WDR91: variants seen among roughly 807,000 people sequenced by gnomAD.
WDR91 encodes WD repeat-containing protein 91.
A neutral mutation model predicts 88.4 loss-of-function variants in WDR91; 52 were observed. The observed-to-expected ratio is 0.59, with a 90% CI of 0.47 to 0.74. The LOEUF (loss-of-function observed/expected upper bound fraction) is 0.74, where lower values mean the gene tolerates loss of function less well. Ranked by LOEUF, WDR91 falls within the 30% of genes least tolerant of loss-of-function variation. The pLI is 0.00. For missense variants in WDR91, 824 were observed against 954.5 expected (o/e 0.86, Z 1.80); for synonymous variants, 362 against 389.5 (o/e 0.93, Z 0.83).
At chr7:135,194,540 G>T (rs546949559) in intron 9 of WDR91, among the ~76,000 whole-genome samples, 2 of 152,338 alleles carry the variant, frequency 1.3e-5, no homozygotes. Flanking sequence ...AGACCCATGG[G>T]AACCACAAAA....
chr7:135,195,121 T>G, intron 8 of WDR91, 37 bp from the exon 9 acceptor site: 1 of 1,596,800 alleles, frequency 6.3e-7, no homozygotes. Flanking sequence ...TCAGCTGGCC[T>G]CTCAGTCCCC....
At position 135,193,369 on chromosome 7, in the gene WDR91, C is replaced by T; in HGVS notation, c.1521G>A (p.Gly507=). ...CTGCTGCCGAACAGACGAAAGAGGC[C>T]CCGTTGGGGCTGCACGCAAGAGACA... The part of the protein sequence containing the change: ...RILSLACSPN[G]ASFVCSAAAP... The change falls in exon 11 of 15, where the codon GGG becomes GGA. Residue 507 remains glycine (G), a synonymous_variant. Coordinates refer to ENST00000354475, the MANE Select transcript of WDR91 (RefSeq NM_014149.4). 6.2e-7 allele frequency: 1 copy of T among 1,614,172 alleles called. No individual in the cohort carries two copies. Among genetic ancestry groups the T allele is most frequent in the Non-Finnish European group, 8.5e-7 (1 of 1,180,038 alleles).
chr7:135,189,525 A>G, intron 11 of WDR91, 73 bp from the exon 12 acceptor site: 1 of 1,269,390 alleles, frequency 7.9e-7, no homozygotes, highest in South Asian at 1.3e-5. Context: ...TCCAATGCAG[A>G]CAGGTGCCCC....
chr7:135,209,707 A>G lies in WDR91; in HGVS notation c.172T>C (p.Leu58=). The change falls in exon 2 of 15, where the codon TTG becomes CTG. Residue 58 remains leucine (L), a synonymous_variant. Coordinates refer to ENST00000354475, the MANE Select transcript of WDR91 (RefSeq NM_014149.4). ...QLQQLMQVYD[L]AALRDYWSYL... ...CTCCAATAATCCCGAAGGGCAGCCA[A>G]GTCATACACCTGCATTAACTGCTGC... 6.2e-7 allele frequency: 1 copy of G among 1,613,214 alleles called. No individual in the cohort carries two copies. The highest frequency in any genetic ancestry group is 8.5e-7 in the Non-Finnish European group (1 of 1,179,646).
At chr7:135,197,164 T>A (rs936405088) in intron 7 of WDR91, 44 of 152,076 alleles carry the variant, frequency 2.9e-4, no homozygotes, top group African/African-American at 1.0e-3. Context: ...TAAAAAAAAA[T>A]AACAGAGGAA....
At chr7:135,206,080 T>C in intron 4 of WDR91, 22 bp from the exon 5 acceptor site, 2 of 1,613,892 alleles carry the variant, frequency 1.2e-6, no homozygotes, top group East Asian at 2.2e-5. Context: ...TGGGACTGAG[T>C]TAGCCAATGA....
At chr7:135,192,274 C>T (rs1477493132) in intron 11 of WDR91, among the ~76,000 whole-genome samples, 15 of 152,112 alleles carry the variant, frequency 9.9e-5, no homozygotes, top group Non-Finnish European at 2.9e-5. Context: ...AGCACCACCA[C>T]ACCTGGCTAA....
chr7:135,211,306 C>T (rs988665179), intron 1 of WDR91, 74 bp downstream of exon 1: 1 of 1,525,406 alleles, frequency 6.6e-7, no homozygotes, highest in African/African-American at 1.4e-5. Flanking sequence ...GCCCCGGAGG[C>T]AGTGCTGGGG....
At chr7:135,210,789 G>A (rs530008688) in intron 1 of WDR91, 2 of 703,522 alleles carry the variant, frequency 2.8e-6, no homozygotes, top group Non-Finnish European at 5.2e-6. Context: ...ATTGAAGTCA[G>A]TACACACAAA....
intron 11 of WDR91, 47 bp downstream of exon 11, chr7:135,193,182 TAC>T: frequency 4.4e-6 from 7 of 1,594,274 alleles, no homozygotes; most frequent in Non-Finnish European, 6.0e-6. Context: ...CCCAGGGGAA[TAC>T]AGAGTGTGTG....
Position 135,208,836 on chromosome 7 carries a change from T to C in WDR91, c.466A>G (p.Ile156Val). ...YFSRQWADTFIVSLHNFLSVL... is the reference protein window; with the variant it reads ...YFSRQWADTFVVSLHNFLSVL... ...CTCAGGAAGTTGTGCAGGGACACAA[T>C]GAAGGTGTCAGCCCACTGTCGAGAA... Residue 156 changes from isoleucine (I) to valine (V), a missense_variant, in exon 3 of 15, where the codon ATT becomes GTT. Coordinates refer to ENST00000354475, the MANE Select transcript of WDR91 (RefSeq NM_014149.4). 2 of 1,613,962 alleles carry C rather than the reference T, an allele frequency of 1.2e-6. No homozygotes were observed. Among genetic ancestry groups the C allele is most frequent in the Non-Finnish European group, 1.7e-6 (2 of 1,179,910 alleles).
At chr7:135,188,327 A>G in intron 13 of WDR91, 106 bp downstream of exon 13, 1 of 856,952 alleles carries the variant, frequency 1.2e-6, no homozygotes, top group South Asian at 1.5e-5. Flanking sequence ...ACAAAGCTGC[A>G]AAAAGAGGCC....
At chr7:135,210,714 G>T (rs2117737600) in intron 1 of WDR91, 2 of 695,638 alleles carry the variant, frequency 2.9e-6, no homozygotes, top group Middle Eastern at 4.6e-4. Context: ...ACTAACTTTG[G>T]CCAGGCAGGA....
rs1831313492 is a variant in WDR91 at position 135,195,087 on chromosome 7, G to T, written c.1245-3C>A. On this transcript the variant is annotated splice_polypyrimidine_tract_variant and splice_region_variant and intron_variant, in intron 8 of 14. Coordinates refer to ENST00000354475, the MANE Select transcript of WDR91 (RefSeq NM_014149.4). ...CTCTCCTCCCAGAGCAGTCCACTCT[G>T]AGATGAGAGAAAAGGGAGGCCTGTC... 13 of 1,611,548 alleles carry T rather than the reference G, an allele frequency of 8.1e-6. No homozygotes were observed. The highest frequency in any genetic ancestry group is 1.1e-5 in the Non-Finnish European group (13 of 1,179,098).
intron 12 of WDR91, 135 bp downstream of exon 12, chr7:135,189,209 G>C: frequency 1.5e-6 from 1 of 664,056 alleles, no homozygotes; most frequent in Non-Finnish European, 2.6e-6. Context: ...CCAAAGTTAA[G>C]CTGTAGTACA....
At chr7:135,187,736 A>C (rs1244358553) in intron 13 of WDR91, among the ~76,000 whole-genome samples, 7 of 152,198 alleles carry the variant, frequency 4.6e-5, no homozygotes. Context: ...TACGGACAGG[A>C]TACTTGGCTG....
chr7:135,196,808 T>C lies in WDR91; in HGVS notation c.1051-471A>G, dbSNP rs796809846. On this transcript the variant is annotated intron_variant, in intron 7 of 14. Coordinates refer to ENST00000354475, the MANE Select transcript of WDR91 (RefSeq NM_014149.4). This position sits in a 1 kb window ranked among gnomAD's most constrained non-coding sequence, Gnocchi z 4.2. ...GCCAAATCCCTTGCCCAAAGTCATATGGCTGGCAAGGGGGAGAAATTGGAT... is the reference window on the plus strand; with the variant it reads ...GCCAAATCCCTTGCCCAAAGTCATACGGCTGGCAAGGGGGAGAAATTGGAT... Among the ~76,000 whole-genome samples, 4 of 152,322 alleles carry C rather than the reference T, an allele frequency of 2.6e-5. No homozygotes were observed. Among genetic ancestry groups the C allele is most frequent in the African/African-American group, 9.6e-5 (4 of 41,578 alleles).
At chr7:135,187,805 T>C (rs564131848) in intron 13 of WDR91, among the ~76,000 whole-genome samples, 1 of 152,264 alleles carries the variant, frequency 6.6e-6, no homozygotes, top group Admixed American at 6.5e-5. Flanking sequence ...AATGTAAAAG[T>C]CCCTTCCCAA....
At chr7:135,187,274 C>CT in intron 13 of WDR91, 105 bp from the exon 14 acceptor site, 1 of 1,160,668 alleles carries the variant, frequency 8.6e-7, no homozygotes, top group Non-Finnish European at 1.2e-6. Context: ...CGAGGGCGAC[C>CT]CGCCTCCCCC....
Sources: allele counts gnomAD v4.1 joint callset (sites outside exome capture counted in the v4.1 genomes callset), GRCh38; gene constraint gnomAD v4.1.1; non-coding constraint Gnocchi (gnomAD v3.1); transcripts MANE v1.5; gene names NCBI Gene and HGNC (gene_info 2026-07-23, HGNC 2026-07-21).